UBE2L6: variants seen among roughly 807,000 people sequenced by gnomAD.
UBE2L6 encodes ubiquitin conjugating enzyme E2 L6.
UBE2L6 carries 11 observed loss-of-function variants against 13.6 expected under a neutral mutation model. The observed-to-expected ratio is 0.81, with a 90% CI of 0.51 to 1.34. The LOEUF is 1.34. Ranked by LOEUF, UBE2L6 falls within the 40% of genes most tolerant of loss-of-function variation. The probability of loss-of-function intolerance (pLI) is 0.00; values close to 1 mark genes in which losing one functional copy is unlikely to be tolerated. For missense variants in UBE2L6, 197 were observed against 199.5 expected (o/e 0.99, Z 0.07); for synonymous variants, 74 against 83.2 (o/e 0.89, Z 0.60).
intron 1 of UBE2L6, among the ~76,000 whole-genome samples, chr11:57,562,289 T>A (rs1945053505): frequency 6.6e-6 from 1 of 152,218 alleles, no homozygotes; most frequent in African/African-American, 2.4e-5. Context: ...GTGGTTTCAG[T>A]GCCAGCTTAG....
chr11:57,559,332 C>T (rs979434761), intron 2 of UBE2L6, among the ~76,000 whole-genome samples: 1 of 152,132 alleles, frequency 6.6e-6, no homozygotes, highest in African/African-American at 2.4e-5. Flanking sequence ...GTAAATCCTG[C>T]CGGGTGTGGT....
intron 3 of UBE2L6, among the ~76,000 whole-genome samples, chr11:57,552,761 CTGAGATAAG>C (rs1944969458): frequency 6.6e-6 from 1 of 152,216 alleles, no homozygotes; most frequent in African/African-American, 2.4e-5. Flanking sequence ...ACAGGGGCCA[CTGAGATAAG>C]TGAGGTTTCT....
At chr11:57,559,299 G>A (rs911279489) in intron 2 of UBE2L6, among the ~76,000 whole-genome samples, 4 of 151,948 alleles carry the variant, frequency 2.6e-5, no homozygotes, top group African/African-American at 9.7e-5. Context: ...ACACAACCTA[G>A]GCCACTGCAT....
intron 1 of UBE2L6, among the ~76,000 whole-genome samples, chr11:57,562,842 T>G: frequency 6.6e-6 from 1 of 152,122 alleles, no homozygotes; most frequent in East Asian, 1.9e-4. Flanking sequence ...GCCAAGCCCC[T>G]TCCAATACCT....
chr11:57,559,328 C>A (rs767923875), intron 2 of UBE2L6, among the ~76,000 whole-genome samples: 8 of 152,132 alleles, frequency 5.3e-5, no homozygotes, highest in Non-Finnish European at 1.2e-4. Flanking sequence ...AAAAGTAAAT[C>A]CTGCCGGGTG....
chr11:57,552,186 C>G lies in UBE2L6; in HGVS notation c.*172G>C. On this transcript the variant is annotated 3_prime_UTR_variant, in exon 4 of 4. Coordinates refer to ENST00000287156, the MANE Select transcript of UBE2L6 (RefSeq NM_004223.5). The stretch of plus-strand genomic sequence containing the variant: ...CCTGGGAGTGAGTCCATACACAACA[C>G]ACACACTCATAGCTCCCTTCCCTCC... 1.1e-6 allele frequency: 1 copy of G among 922,028 alleles called. No homozygotes were observed. Among genetic ancestry groups the G allele is most frequent in the Non-Finnish European group, 1.6e-6 (1 of 606,826 alleles). 57.1% of individuals were successfully genotyped at this position (922,028 alleles called of 1,614,324 possible). A position where few individuals can be genotyped will look rare whatever the true frequency, so the allele number is the denominator to read the frequency against.
chr11:57,562,620 C>A (rs187752615), intron 1 of UBE2L6, among the ~76,000 whole-genome samples: 1 of 152,338 alleles, frequency 6.6e-6, no homozygotes, highest in East Asian at 1.9e-4. Context: ...CTCCAGGGAG[C>A]TCAGCACGGA....
chr11:57,554,760 T>G lies in UBE2L6; in HGVS notation c.124-137A>C. 3 of 915,218 alleles carry G rather than the reference T, an allele frequency of 3.3e-6. No homozygotes were observed. The East Asian group carries it at 7.9e-5, about 24-fold the overall frequency. The allele number at this position is 915,218 out of a possible 1,614,324, so 56.7% of individuals were successfully genotyped here. A position where few individuals can be genotyped will look rare whatever the true frequency, so the allele number is the denominator to read the frequency against. ...GACACACACAGCACCTGCATTCATT[T>G]GACAATTGAGTCATGGATTAGTGAA... On this transcript the variant is annotated intron_variant, in intron 2 of 3. Coordinates refer to ENST00000287156, the MANE Select transcript of UBE2L6 (RefSeq NM_004223.5).
intron 2 of UBE2L6, among the ~76,000 whole-genome samples, chr11:57,557,159 C>A (rs1170059659): frequency 6.6e-6 from 1 of 152,052 alleles, no homozygotes; most frequent in Non-Finnish European, 1.5e-5. Flanking sequence ...TGGGGGCAGA[C>A]CTCCCACGAA....
intron 1 of UBE2L6, among the ~76,000 whole-genome samples, chr11:57,566,059 C>G (rs1945089026): frequency 6.6e-6 from 1 of 152,050 alleles, no homozygotes; most frequent in Non-Finnish European, 1.5e-5. Context: ...TTATCTTTAC[C>G]CCAAACTAGA....
intron 1 of UBE2L6, chr11:57,566,929 T>C: frequency 2.3e-6 from 1 of 439,604 alleles, no homozygotes; most frequent in South Asian, 1.6e-5. Flanking sequence ...AGGGCCGGAT[T>C]TGTGTTCATC....
rs2234409 is a variant in UBE2L6 at position 57,554,338 on chromosome 11, T to A, written c.310+99A>T. ...GCCAAGACTCACAATTTTTATCTCC[T>A]CTCTTTGGGGCTTTTCAAGCTCAGA... On this transcript the variant is annotated intron_variant, in intron 3 of 3. Transcript: ENST00000287156. 1.6e-4 allele frequency: 228 copies of A among 1,424,724 alleles called. No homozygotes were observed. In the African/African-American group the frequency reaches 2.4e-3, roughly 15 times the overall value. 88.3% of individuals were successfully genotyped at this position (1,424,724 alleles called of 1,614,324 possible). A position where few individuals can be genotyped will look rare whatever the true frequency, so the allele number is the denominator to read the frequency against.
Position 57,554,514 on chromosome 11 carries a change from T to A in UBE2L6, c.233A>T (p.Asn78Ile). 1 of 1,614,084 alleles carries A rather than the reference T, an allele frequency of 6.2e-7. No individual in the cohort carries two copies. The highest frequency in any genetic ancestry group is 1.1e-5 in the South Asian group (1 of 91,066). ...IKFTTKIYHP[N>I]VDENGQICLP... The stretch of plus-strand genomic sequence containing the variant: ...GCAAATCTGTCCGTTCTCGTCCACG[T>A]TGGGGTGGTAGATCTTGGTTGTGAA... The change falls in exon 3 of 4, where the codon AAC becomes ATC. Residue 78 changes from asparagine to isoleucine, a missense_variant. Physicochemically the swap from Asn to Ile is moderately radical, Grantham distance 149. Coordinates refer to ENST00000287156, the MANE Select transcript of UBE2L6 (RefSeq NM_004223.5).
At chr11:57,564,730 G>A (rs1457477588) in intron 1 of UBE2L6, among the ~76,000 whole-genome samples, 3 of 152,146 alleles carry the variant, frequency 2.0e-5, no homozygotes, top group South Asian at 2.1e-4. Flanking sequence ...TTGAACCCAC[G>A]AGGCGGAGGT....
intron 1 of UBE2L6, 62 bp downstream of exon 1, chr11:57,567,523 G>A: frequency 2.5e-6 from 4 of 1,587,918 alleles, no homozygotes; most frequent in Admixed American, 1.8e-5. Flanking sequence ...GGGGATGGAG[G>A]GAGGAGGGAA....
intron 2 of UBE2L6, 24 bp downstream of exon 2, chr11:57,560,313 G>A (rs765601898): frequency 6.3e-7 from 1 of 1,594,328 alleles, no homozygotes; most frequent in Non-Finnish European, 8.6e-7. Flanking sequence ...CCAATCCAAA[G>A]CCATGGTCCC....
intron 1 of UBE2L6, among the ~76,000 whole-genome samples, chr11:57,563,074 T>A (rs1945059190): frequency 6.6e-6 from 1 of 152,228 alleles, no homozygotes; most frequent in Non-Finnish European, 1.5e-5. Context: ...AATAGCTGTT[T>A]TGAGGAAACT....
chr11:57,553,349 C>A (rs1407515219), intron 3 of UBE2L6, among the ~76,000 whole-genome samples: 1 of 151,958 alleles, frequency 6.6e-6, no homozygotes, highest in Non-Finnish European at 1.5e-5. Context: ...CAAAAATTAG[C>A]CAGGTATAGT....
intron 2 of UBE2L6, among the ~76,000 whole-genome samples, chr11:57,555,003 A>G (rs540774798): frequency 6.6e-6 from 1 of 152,326 alleles, no homozygotes; most frequent in South Asian, 2.1e-4. Flanking sequence ...TTCTTAAAAC[A>G]TTAGAATGGG....
Sources: allele counts gnomAD v4.1 joint callset (sites outside exome capture counted in the v4.1 genomes callset), GRCh38; gene constraint gnomAD v4.1.1; transcripts MANE v1.5; gene names NCBI Gene and HGNC (gene_info 2026-07-23, HGNC 2026-07-21).